The following BACH2 variants were observed in gnomAD, a reference collection of about 807,000 sequenced individuals.
BACH2 encodes the protein transcription regulator protein BACH2.
In BACH2, 5 loss-of-function variants were observed where a neutral mutation model predicts 61.8. The ratio of observed to expected loss-of-function variants is 0.08; its 90% CI spans 0.04 to 0.17. The LOEUF (loss-of-function observed/expected upper bound fraction) is 0.17. Among genes scored for constraint, BACH2 ranks in the 10% least tolerant of loss-of-function variants. BACH2 has a pLI of 1.00. For synonymous variants in BACH2, 446 were observed against 440.1 expected (o/e 1.01, Z -0.17); for missense variants, 824 against 1,091.1 (o/e 0.76, Z 3.45).
rs138065893 is a variant in BACH2 at position 89,969,586 on chromosome 6, T to C, written c.244-17724A>G. On this transcript the variant is annotated intron_variant, in intron 6 of 8. Transcript: ENST00000257749. Reference sequence around the variant, plus strand: ...GGAGTCAGCCTTTGTCCTTCAAATATTGTGACCCTGACCTTGGCAGCCTCA... The same window carrying C: ...GGAGTCAGCCTTTGTCCTTCAAATACTGTGACCCTGACCTTGGCAGCCTCA... 1.7e-3 allele frequency among the ~76,000 whole-genome samples: 253 copies of C among 152,206 alleles called. 2 individuals are homozygous for C. The highest frequency in any genetic ancestry group is 6.8e-3 in the Middle Eastern group (2 of 294).
intron 1 of BACH2, among the ~76,000 whole-genome samples, chr6:90,285,880 G>A (rs957750985): frequency 1.3e-5 from 2 of 152,184 alleles, no homozygotes; most frequent in African/African-American, 4.8e-5. Flanking sequence ...TACTTGAGAT[G>A]CACACACCTA....
At chr6:90,174,066 AT>A (rs1767909838) in intron 4 of BACH2, among the ~76,000 whole-genome samples, 1 of 152,160 alleles carries the variant, frequency 6.6e-6, no homozygotes. Context: ...AAGATATAAT[AT>A]GTTCCTAATA....
intron 6 of BACH2, among the ~76,000 whole-genome samples, chr6:89,981,930 AG>A (rs1775979975): frequency 6.6e-6 from 1 of 152,164 alleles, no homozygotes; most frequent in South Asian, 2.1e-4. Flanking sequence ...GTAGGGCAGG[AG>A]GGGAAGTGAT....
chr6:90,127,134 C>CA lies in BACH2; in HGVS notation c.-161-38026dup, dbSNP rs1181306586. Among the ~76,000 whole-genome samples, 13 of 152,232 alleles carry CA rather than the reference C, an allele frequency of 8.5e-5. 1 individual carries two copies. Among genetic ancestry groups the CA allele is most frequent in the Non-Finnish European group, 1.9e-4 (13 of 68,046 alleles). ...TTTGACAGACTGTCTTATGTGTTGA[C>CA]ACAGTTATACGTTGTTGCATAAAAA... On this transcript the variant is annotated intron_variant, in intron 4 of 8. Transcript: ENST00000257749.
intron 5 of BACH2, among the ~76,000 whole-genome samples, chr6:90,048,778 A>G (rs1779906041): frequency 6.6e-6 from 1 of 152,192 alleles, no homozygotes. Context: ...TGGCACTCTG[A>G]GCAATAATTA....
intron 4 of BACH2, among the ~76,000 whole-genome samples, chr6:90,188,762 A>G (rs76063582): frequency 3.4e-5 from 3 of 87,412 alleles, no homozygotes; most frequent in African/African-American, 1.4e-4. Context: ...CCCAAAATGA[A>G]AAAAAAAAAA....
At chr6:89,969,902 A>C (rs1775267420) in intron 6 of BACH2, among the ~76,000 whole-genome samples, 1 of 152,142 alleles carries the variant, frequency 6.6e-6, no homozygotes, top group African/African-American at 2.4e-5. Context: ...GAGTGAGCAA[A>C]ACTGGTTCAT....
At chr6:89,939,137 T>C (rs1413095950) in intron 7 of BACH2, among the ~76,000 whole-genome samples, 1 of 152,208 alleles carries the variant, frequency 6.6e-6, no homozygotes, top group African/African-American at 2.4e-5. Context: ...TAATGGTGTA[T>C]AGTTTCTGAG....
At chr6:90,065,222 GGTGTAAA>G (rs1178897160) in intron 5 of BACH2, among the ~76,000 whole-genome samples, 2 of 145,790 alleles carry the variant, frequency 1.4e-5, no homozygotes, top group Non-Finnish European at 3.0e-5. Flanking sequence ...CAGGCAGTTT[GGTGTAAA>G]GCAGTAGGTC....
chr6:90,052,999 T>C (rs996980526), intron 5 of BACH2, among the ~76,000 whole-genome samples: 1 of 152,190 alleles, frequency 6.6e-6, no homozygotes, highest in African/African-American at 2.4e-5. Context: ...TCTTTCTTTT[T>C]TGATTTTTAA....
chr6:90,120,926 T>C (rs1783598364), intron 4 of BACH2, among the ~76,000 whole-genome samples: 1 of 152,028 alleles, frequency 6.6e-6, no homozygotes, highest in Admixed American at 6.6e-5. Flanking sequence ...AAATAGTTAT[T>C]TGTATGAAAA....
chr6:90,020,280 A>G (rs908522488), intron 5 of BACH2, among the ~76,000 whole-genome samples: 14 of 152,130 alleles, frequency 9.2e-5, no homozygotes, highest in Non-Finnish European at 2.1e-4. Context: ...TTTGTCCCCT[A>G]TGAAAATCAT....
At chr6:90,058,576 C>A (rs1485906876) in intron 5 of BACH2, among the ~76,000 whole-genome samples, 1 of 152,010 alleles carries the variant, frequency 6.6e-6, no homozygotes, top group Admixed American at 6.6e-5. Context: ...TCAATGCCAT[C>A]CCCATCAAGC....
At chr6:90,190,186 G>A (rs1228102211) in intron 4 of BACH2, among the ~76,000 whole-genome samples, 1 of 152,116 alleles carries the variant, frequency 6.6e-6, no homozygotes, top group Admixed American at 6.5e-5. Context: ...CTTGTGATCC[G>A]CCCTCCTGGG....
intron 5 of BACH2, among the ~76,000 whole-genome samples, chr6:90,082,538 A>G (rs1436464209): frequency 6.6e-6 from 1 of 152,198 alleles, no homozygotes; most frequent in East Asian, 1.9e-4. Flanking sequence ...GGATGTAATC[A>G]GTCTAGAGCA....
chr6:90,086,568 G>A (rs1407523250), intron 5 of BACH2, among the ~76,000 whole-genome samples: 3 of 152,206 alleles, frequency 2.0e-5, no homozygotes, highest in East Asian at 1.9e-4. Flanking sequence ...CTACTCACTC[G>A]GTGACTGAAC....
At chr6:90,166,670 G>A (rs1360898602) in intron 4 of BACH2, among the ~76,000 whole-genome samples, 2 of 152,080 alleles carry the variant, frequency 1.3e-5, no homozygotes, top group Admixed American at 6.5e-5. Context: ...GTCCAACAAC[G>A]ATAGACTGGA....
intron 4 of BACH2, among the ~76,000 whole-genome samples, chr6:90,149,776 G>C (rs547668376): frequency 6.6e-6 from 1 of 152,154 alleles, no homozygotes; most frequent in South Asian, 2.1e-4. Context: ...CTAAAACACA[G>C]CCTGCATCTT....
At chr6:90,245,762 A>G (rs1189338732) in intron 3 of BACH2, among the ~76,000 whole-genome samples, 1 of 152,052 alleles carries the variant, frequency 6.6e-6, no homozygotes, top group Non-Finnish European at 1.5e-5. Flanking sequence ...TTGAAACAAG[A>G]GAAGTCTGAA....
Sources: allele counts gnomAD v4.1 joint callset (sites outside exome capture counted in the v4.1 genomes callset), GRCh38; gene constraint gnomAD v4.1.1; transcripts MANE v1.5; gene names NCBI Gene and HGNC (gene_info 2026-07-23, HGNC 2026-07-21).